Variants in KLRD1 observed in about 807,000 individuals in gnomAD.
The protein encoded by KLRD1 is natural killer cells antigen CD94.
A neutral mutation model predicts 22.6 loss-of-function variants in KLRD1; 21 were observed. The observed-to-expected ratio is 0.93, with a 90% CI of 0.66 to 1.34. The LOEUF (loss-of-function observed/expected upper bound fraction) is 1.34, where lower values mean the gene tolerates loss of function less well. Ranked by LOEUF, KLRD1 falls within the 40% of genes most tolerant of loss-of-function variation. The pLI is 0.00. For missense variants in KLRD1, 183 were observed against 208.6 expected (o/e 0.88, Z 0.76); for synonymous variants, 59 against 71.1 (o/e 0.83, Z 0.85).
chr12:10,301,207 T>G (rs1949863269), upstream of KLRD1, among the ~76,000 whole-genome samples: 1 of 152,236 alleles, frequency 6.6e-6, no homozygotes, highest in African/African-American at 2.4e-5. Flanking sequence ...CATTTGTAGC[T>G]TAGTACCCTA....
Position 10,242,356 on chromosome 12 carries a change from C to T in KLRD1, c.-101+16123C>T, listed in dbSNP as rs375506449. 1.3e-4 allele frequency among the ~76,000 whole-genome samples: 20 copies of T among 152,024 alleles called. No homozygotes were observed. The East Asian group carries it at 2.9e-3, about 22-fold the overall frequency. ...TATTAACAAAACACATTACACAAAG[C>T]GATCTTCACTTGTATCAACCTCCAG... On this transcript the variant is annotated intron_variant, in intron 1 of 5. Coordinates refer to the KLRD1 transcript ENST00000544747.
intron 4 of KLRD1, among the ~76,000 whole-genome samples, chr12:10,312,992 A>C (rs1167379959): frequency 2.0e-5 from 3 of 151,690 alleles, no homozygotes; most frequent in South Asian, 2.1e-4. Context: ...CTCTCAACAA[A>C]AAGAAAAAAG....
At chr12:10,268,209 C>A (rs1949517163) in intron 1 of KLRD1, among the ~76,000 whole-genome samples, 1 of 152,174 alleles carries the variant, frequency 6.6e-6, no homozygotes, top group African/African-American at 2.4e-5. Context: ...TGGAGAATTA[C>A]ACTGGCTCAG....
At chr12:10,264,964 C>G (rs1426245632) in intron 1 of KLRD1, among the ~76,000 whole-genome samples, 1 of 152,070 alleles carries the variant, frequency 6.6e-6, no homozygotes, top group Non-Finnish European at 1.5e-5. Context: ...CTTTCTGTGT[C>G]TGGCTTATTT....
At chr12:10,256,095 A>T (rs1481440165) in intron 1 of KLRD1, among the ~76,000 whole-genome samples, 1 of 151,976 alleles carries the variant, frequency 6.6e-6, no homozygotes, top group Non-Finnish European at 1.5e-5. Context: ...TTTTATATAT[A>T]TACATTTACT....
Position 10,311,471 on chromosome 12 carries a change from C to T in KLRD1, c.171C>T (p.Asp57=), listed in dbSNP as rs1259564044. Reference sequence around the variant, plus strand: ...CTTTATGTTTTCTGTCAGACTCTGACTGCTGTTCTTGCCAAGAAAAATGGG... The same window carrying T: ...CTTTATGTTTTCTGTCAGACTCTGATTGCTGTTCTTGCCAAGAAAAATGGG... ...GPNIELQKDS[D]CCSCQEKWVG... The change falls in exon 4 of 6, where the codon GAC becomes GAT. Residue 57 remains aspartate, a synonymous_variant. Transcript: ENST00000336164. 2 of 1,613,590 alleles carry T rather than the reference C, an allele frequency of 1.2e-6. No homozygotes were observed. The highest frequency in any genetic ancestry group is 1.7e-6 in the Non-Finnish European group (2 of 1,179,644).
Position 10,307,913 on chromosome 12 carries a change from C to T in KLRD1, c.-165C>T. ...GTCTCACCAATAGATGATTCAAGAA[C>T]ATCATTTAAATACACAATTTTTCAT... On this transcript the variant is annotated 5_prime_UTR_variant, in exon 1 of 6. Transcript: ENST00000336164. 1.6e-6 allele frequency: 1 copy of T among 637,208 alleles called. No individual in the cohort carries two copies. The highest frequency in any genetic ancestry group is 1.9e-5 in the South Asian group (1 of 52,924). The allele number at this position is 637,208 out of a possible 1,614,324, so 39.5% of individuals were successfully genotyped here.
chr12:10,326,230 T>C lies in KLRD1; in HGVS notation c.*11437T>C, dbSNP rs1950360434. 6.6e-6 allele frequency: 1 copy of C among 152,196 alleles called. No homozygotes were observed. Among genetic ancestry groups the C allele is most frequent in the Non-Finnish European group, 1.5e-5 (1 of 68,036 alleles). The allele number at this position is 152,196 out of a possible 1,614,324, so 9.4% of individuals were successfully genotyped here. A position where few individuals can be genotyped will look rare whatever the true frequency, so the allele number is the denominator to read the frequency against. On this transcript the variant is annotated 3_prime_UTR_variant, in exon 6 of 6. Coordinates refer to ENST00000336164, the MANE Select transcript of KLRD1 (RefSeq NM_002262.5). Reference sequence around the variant, plus strand: ...TATTGACTCCTTTTCTGATATATGATTTGCAATTATTTTCTCCCATTCTGT... The same window carrying C: ...TATTGACTCCTTTTCTGATATATGACTTGCAATTATTTTCTCCCATTCTGT...
chr12:10,324,818 G>GTGTGTGTGTGTGTA lies in KLRD1; in HGVS notation c.*10026_*10027insGTGTGTGTGTGTAT, dbSNP rs750696767. 1.5e-4 allele frequency: 11 copies of GTGTGTGTGTGTGTA among 74,144 alleles called. No homozygotes were observed. The highest frequency in any genetic ancestry group is 3.8e-4 in the African/African-American group (9 of 23,544). 4.6% of individuals were successfully genotyped at this position (74,144 alleles called of 1,614,324 possible). ...AGTATATATGTATATGTGTGTGTGT[G>GTGTGTGTGTGTGTA]TATATATATATATATATATATATAT... On this transcript the variant is annotated 3_prime_UTR_variant, in exon 6 of 6. Transcript: ENST00000336164.
At chr12:10,244,802 C>CA (rs368087177) in intron 1 of KLRD1, among the ~76,000 whole-genome samples, 3 of 63,082 alleles carry the variant, frequency 4.8e-5, no homozygotes, top group South Asian at 1.3e-3. Context: ...AACAAACAAA[C>CA]AAAAAAAAAA....
chr12:10,296,018 A>G (rs1949817765), intron 1 of KLRD1, among the ~76,000 whole-genome samples: 1 of 152,158 alleles, frequency 6.6e-6, no homozygotes, highest in Non-Finnish European at 1.5e-5. Flanking sequence ...TTATTTTTAA[A>G]TTATGTAGCT....
chr12:10,288,180 T>C (rs1592061463), intron 1 of KLRD1, among the ~76,000 whole-genome samples: 2 of 149,216 alleles, frequency 1.3e-5, no homozygotes, highest in Admixed American at 1.3e-4. Flanking sequence ...GAGGTGGAGG[T>C]TACAGTGAGC....
At chr12:10,276,937 T>C (rs1949597486) in intron 1 of KLRD1, among the ~76,000 whole-genome samples, 2 of 152,134 alleles carry the variant, frequency 1.3e-5, no homozygotes, top group Admixed American at 1.3e-4. Context: ...TAGGCGTATG[T>C]AATGGAAAAT....
chr12:10,303,287 G>A (rs1026723669), upstream of KLRD1, among the ~76,000 whole-genome samples: 2 of 152,000 alleles, frequency 1.3e-5, no homozygotes, highest in African/African-American at 4.8e-5. Context: ...GTTTTTCTTA[G>A]TGTTGGGTTC....
At chr12:10,310,887 G>A (rs1018892846) in intron 3 of KLRD1, among the ~76,000 whole-genome samples, 1 of 152,064 alleles carries the variant, frequency 6.6e-6, no homozygotes, top group Non-Finnish European at 1.5e-5. Flanking sequence ...TATTACCGTG[G>A]GTAACAAACG....
intron 3 of KLRD1, among the ~76,000 whole-genome samples, chr12:10,310,651 G>A (rs1025765603): frequency 6.6e-6 from 1 of 152,102 alleles, no homozygotes; most frequent in Non-Finnish European, 1.5e-5. Context: ...CAGGCATGGC[G>A]GCACGCACCT....
rs1031049654 is a variant in KLRD1, at chr12:10,327,807, G to A, written c.*13014G>A. On this transcript the variant is annotated 3_prime_UTR_variant, in exon 6 of 6. Coordinates refer to ENST00000336164, the MANE Select transcript of KLRD1 (RefSeq NM_002262.5). ...ATATTAGCTATGCACTTTACATATA[G>A]GGCCTTCAAAATGTTGAAATATTTT... is the stretch of plus-strand genomic sequence containing the variant. 2 of 152,128 alleles carry A rather than the reference G, an allele frequency of 1.3e-5. No homozygotes were observed. The highest frequency in any genetic ancestry group is 2.4e-5 in the African/African-American group (1 of 41,420). 9.4% of individuals were successfully genotyped at this position (152,128 alleles called of 1,614,324 possible).
chr12:10,307,922 A>C lies in KLRD1; in HGVS notation c.-156A>C, dbSNP rs1297382201. ...ATAGATGATTCAAGAACATCATTTA[A>C]ATACACAATTTTTCATTCTCTATTT... On this transcript the variant is annotated 5_prime_UTR_variant, in exon 1 of 6. Coordinates refer to ENST00000336164, the MANE Select transcript of KLRD1 (RefSeq NM_002262.5). 4.5e-6 allele frequency: 3 copies of C among 663,734 alleles called. No individual in the cohort carries two copies. The highest frequency in any genetic ancestry group is 8.0e-6 in the Non-Finnish European group (3 of 373,486). The allele number at this position is 663,734 out of a possible 1,614,324, so 41.1% of individuals were successfully genotyped here.
intron 1 of KLRD1, among the ~76,000 whole-genome samples, chr12:10,254,287 G>A (rs1454390955): frequency 1.3e-5 from 2 of 150,684 alleles, no homozygotes; most frequent in African/African-American, 4.8e-5. Context: ...AATTAGCAGG[G>A]CGCGGTGGAG....
Sources: allele counts gnomAD v4.1 joint callset (sites outside exome capture counted in the v4.1 genomes callset), GRCh38; gene constraint gnomAD v4.1.1; transcripts MANE v1.5; gene names NCBI Gene and HGNC (gene_info 2026-07-23, HGNC 2026-07-21).